Variants in RPH3A observed in about 807,000 individuals in gnomAD.
RPH3A encodes the protein rabphilin-3A.
RPH3A carries 48 observed loss-of-function variants against 102.2 expected under a neutral mutation model. That is an observed-to-expected ratio of 0.47 (90% confidence interval 0.37 to 0.60). RPH3A has a LOEUF of 0.60. RPH3A is among the 20% of genes least tolerant of loss of function. The pLI is 0.00. For synonymous variants in RPH3A, 310 were observed against 324.3 expected, an observed-to-expected ratio of 0.96 and a Z score of 0.47; for missense variants, 781 against 910.1, an observed-to-expected ratio of 0.86 and a Z score of 1.83.
chr12:112,788,349 T>C (rs1426814969), upstream of RPH3A, among the ~76,000 whole-genome samples: 1 of 152,240 alleles, frequency 6.6e-6, no homozygotes, highest in African/African-American at 2.4e-5. Context: ...ACTGTTCTAG[T>C]TGAAACCAGA....
intron 2 of RPH3A, among the ~76,000 whole-genome samples, chr12:112,816,104 T>C (rs1452287694): frequency 6.6e-6 from 1 of 152,200 alleles, no homozygotes; most frequent in Non-Finnish European, 1.5e-5. Flanking sequence ...TCCTGGATGC[T>C]CTGCCCTGCC....
chr12:112,887,876 C>T lies in RPH3A; in HGVS notation c.1516C>T (p.Pro506Ser). Residue 506 changes from proline (P) to serine (S), a missense_variant, in exon 17 of 22, where the codon CCC becomes TCC. This residue lies in a region of RPH3A where 730 missense variants were observed against 810.0 expected (regional missense o/e 0.90). Coordinates refer to ENST00000389385, the MANE Select transcript of RPH3A (RefSeq NM_001143854.2). ...CAGATTCTCCCTCAAGAAACTGAAG[C>T]CCAACCAGAGGAAGAATTTCAACAT... is the stretch of plus-strand genomic sequence containing the variant. ...ETRFSLKKLK[P>S]NQRKNFNICL... is the part of the protein sequence containing the mutation. 6.2e-7 allele frequency: 1 copy of T among 1,613,850 alleles called. No homozygotes were observed. The highest frequency in any genetic ancestry group is 1.1e-5 in the South Asian group (1 of 91,054).
chr12:112,694,675 C>A (rs1566262993), intron 1 of RPH3A, among the ~76,000 whole-genome samples: 1 of 144,092 alleles, frequency 6.9e-6, no homozygotes, highest in Admixed American at 6.8e-5. Context: ...CACACACACA[C>A]ACACACACAG....
At chr12:112,834,545 T>C (rs1030505875) in intron 3 of RPH3A, among the ~76,000 whole-genome samples, 56 of 152,242 alleles carry the variant, frequency 3.7e-4, no homozygotes, top group Non-Finnish European at 3.5e-4. Context: ...TACTGTATCA[T>C]TTAAAATTTC....
At chr12:112,722,104 AGAG>A (rs2040555717) in intron 1 of RPH3A, among the ~76,000 whole-genome samples, 2 of 152,234 alleles carry the variant, frequency 1.3e-5, no homozygotes, top group African/African-American at 4.8e-5. Flanking sequence ...CCTCATTTAC[AGAG>A]GAGAAGACTC....
intron 1 of RPH3A, among the ~76,000 whole-genome samples, chr12:112,667,662 AAGAGAGAGAGAG>A (rs71086114): frequency 0.087 from 6,339 of 72,764 alleles, 371 homozygotes; most frequent in Middle Eastern, 0.15. Flanking sequence ...GAGATGAATA[AAGAGAGAGAGAG>A]AGAGAGAGAG....
intron 1 of RPH3A, among the ~76,000 whole-genome samples, chr12:112,648,196 T>C (rs1460914818): frequency 6.6e-6 from 1 of 152,152 alleles, no homozygotes; most frequent in East Asian, 1.9e-4. Context: ...GATCATTACA[T>C]ATACTATATA....
At chr12:112,824,605 G>A (rs1593046939) in intron 2 of RPH3A, among the ~76,000 whole-genome samples, 1 of 152,114 alleles carries the variant, frequency 6.6e-6, no homozygotes, top group East Asian at 1.9e-4. Context: ...TTCCTCTTCT[G>A]GTCCAGGCCT....
At chr12:112,703,238 A>G (rs1244464888) in intron 1 of RPH3A, among the ~76,000 whole-genome samples, 1 of 152,226 alleles carries the variant, frequency 6.6e-6, no homozygotes, top group African/African-American at 2.4e-5. Context: ...CTCCCAGTGG[A>G]GTCAGATGTG....
intron 1 of RPH3A, among the ~76,000 whole-genome samples, chr12:112,717,114 G>A (rs2040518293): frequency 6.6e-6 from 1 of 152,136 alleles, no homozygotes; most frequent in African/African-American, 2.4e-5. Context: ...AGATATTTTG[G>A]ATTTGTGGAT....
At chr12:112,882,753 G>A (rs1182429454) in intron 15 of RPH3A, among the ~76,000 whole-genome samples, 1 of 152,206 alleles carries the variant, frequency 6.6e-6, no homozygotes, top group African/African-American at 2.4e-5. Context: ...AATAGCCAAA[G>A]CTGCTTTGCT....
chr12:112,592,082 A>G (rs1324997303), intron 1 of RPH3A, among the ~76,000 whole-genome samples: 1 of 152,164 alleles, frequency 6.6e-6, no homozygotes, highest in Non-Finnish European at 1.5e-5. Context: ...AATAGTTGTT[A>G]TACTGTATTG....
At chr12:112,657,761 A>G (rs1316986171) in intron 1 of RPH3A, among the ~76,000 whole-genome samples, 1 of 152,186 alleles carries the variant, frequency 6.6e-6, no homozygotes, top group Non-Finnish European at 1.5e-5. Flanking sequence ...TTAGAAAGTG[A>G]AGATTGCCAT....
intron 1 of RPH3A, chr12:112,650,687 G>T (rs1409785409): frequency 1.3e-5 from 2 of 151,486 alleles, no homozygotes; most frequent in South Asian, 4.2e-4. Context: ...GACACATGAA[G>T]ACAATAAATA....
At chr12:112,884,910 C>T (rs1400686604) in intron 16 of RPH3A, among the ~76,000 whole-genome samples, 1 of 152,202 alleles carries the variant, frequency 6.6e-6, no homozygotes, top group Non-Finnish European at 1.5e-5. Context: ...AATATCCTAA[C>T]ATCTTACAGG....
chr12:112,673,520 G>A (rs972852544), intron 1 of RPH3A, among the ~76,000 whole-genome samples: 11 of 150,624 alleles, frequency 7.3e-5, no homozygotes, highest in Non-Finnish European at 1.6e-4. Context: ...TTGTAGAGAT[G>A]GGTTCTTTTT....
chr12:112,657,854 C>T (rs899886473), intron 1 of RPH3A, among the ~76,000 whole-genome samples: 8 of 152,120 alleles, frequency 5.3e-5, no homozygotes, highest in Non-Finnish European at 1.0e-4. Flanking sequence ...GAGGAAGCCT[C>T]ACTGGGAAAG....
intron 1 of RPH3A, among the ~76,000 whole-genome samples, chr12:112,783,698 T>A (rs1269692079): frequency 6.6e-6 from 1 of 152,216 alleles, no homozygotes; most frequent in Non-Finnish European, 1.5e-5. Context: ...TATCCTCATT[T>A]TACAGACAAT....
chr12:112,887,724 G>A, intron 16 of RPH3A, 73 bp from the exon 17 acceptor site: 1 of 1,502,806 alleles, frequency 6.7e-7, no homozygotes, highest in Non-Finnish European at 9.1e-7. Context: ...AGTATCAGCT[G>A]CAACTCTTGG....
Sources: gnomAD v4.1 joint callset for allele counts (sites outside exome capture counted in the v4.1 genomes callset) on GRCh38, gnomAD v4.1.1 for gene constraint, gnomAD v4.1.1 regional missense constraint, MANE v1.5 for transcripts, NCBI Gene and HGNC (gene_info 2026-07-23, HGNC 2026-07-21) for gene names.